The following AMOTL2 variants were observed in gnomAD, a reference collection of about 807,000 sequenced individuals.
AMOTL2 encodes angiomotin-like protein 2.
AMOTL2 carries 33 observed loss-of-function variants against 78.4 expected under a neutral mutation model. The ratio of observed to expected loss-of-function variants is 0.42; its 90% CI spans 0.32 to 0.56. The LOEUF is 0.56. Among genes scored for constraint, AMOTL2 ranks in the 20% least tolerant of loss-of-function variants. AMOTL2 has a pLI of 0.12. For synonymous variants in AMOTL2, 422 were observed against 428.8 expected, an observed-to-expected ratio of 0.98 and a Z score of 0.20; for missense variants, 983 against 1,030.1, an observed-to-expected ratio of 0.95 and a Z score of 0.63.
chr3:134,358,799 G>A, intron 8 of AMOTL2, 80 bp from the exon 9 acceptor site: 3 of 1,536,696 alleles, frequency 2.0e-6, no homozygotes, highest in Admixed American at 1.8e-5. Context: ...AACTGTCCCT[G>A]CTGGGGATTC....
chr3:134,366,137 G>T, intron 4 of AMOTL2, 146 bp downstream of exon 4: 1 of 1,153,180 alleles, frequency 8.7e-7, no homozygotes, highest in African/African-American at 1.5e-5. Context: ...TCTCTATCAG[G>T]GCAGCTCCAA....
At chr3:134,359,156 C>T (rs1325478391) in intron 8 of AMOTL2, 127 bp downstream of exon 8, 3 of 1,035,920 alleles carry the variant, frequency 2.9e-6, no homozygotes, top group Non-Finnish European at 4.3e-6. Context: ...TAAGCCAGCT[C>T]CCCTGGAAGA....
intron 6 of AMOTL2, among the ~76,000 whole-genome samples, chr3:134,361,121 C>T (rs995218131): frequency 6.6e-6 from 1 of 151,916 alleles, no homozygotes; most frequent in Admixed American, 6.5e-5. Flanking sequence ...TTGCAGTGAG[C>T]GTTCGCGCCA....
At position 134,371,087 on chromosome 3, in the gene AMOTL2, T is replaced by A. The variant is rs1350322723; in HGVS notation, c.347A>T (p.Tyr116Phe). The A allele has an allele frequency of 6.2e-7, 1 of 1,612,264 alleles. No individual in the cohort carries two copies. The highest frequency in any genetic ancestry group is 8.5e-7 in the Non-Finnish European group (1 of 1,179,324). ...TYEEAKAHSQ[Y>F]YAAQQAGTRP... ...GGTCCCTGCCTGCTGGGCCGCATAG[T>A]ACTGCGAGTGGGCTTTGGCCTCCTC... The change falls in exon 2 of 10, where the codon TAC (tyrosine) becomes TTC (phenylalanine). Residue 116 changes from tyrosine (Y) to phenylalanine (F), a missense_variant. Tyr to Phe is a conservative substitution (Grantham distance 22). Transcript: ENST00000249883.
chr3:134,364,223 G>A (rs942457856), intron 5 of AMOTL2, among the ~76,000 whole-genome samples: 2 of 152,006 alleles, frequency 1.3e-5, no homozygotes, highest in Admixed American at 6.5e-5. Flanking sequence ...GGGGCGGGCC[G>A]GGAGCGGAAC....
chr3:134,368,394 CAG>C (rs898597761), intron 2 of AMOTL2, among the ~76,000 whole-genome samples: 1 of 152,146 alleles, frequency 6.6e-6, no homozygotes, highest in African/African-American at 2.4e-5. Flanking sequence ...CCCACTCACC[CAG>C]AGTCATTTTT....
At chr3:134,366,050 C>T (rs1160680812) in intron 4 of AMOTL2, 141 bp from the exon 5 acceptor site, 1 of 1,075,268 alleles carries the variant, frequency 9.3e-7, no homozygotes, top group Non-Finnish European at 1.4e-6. Context: ...GCTCAGGGCC[C>T]CATGGGTGGG....
intron 3 of AMOTL2, 114 bp from the exon 4 acceptor site, chr3:134,366,541 G>A (rs1044300668): frequency 3.9e-5 from 43 of 1,093,632 alleles, no homozygotes; most frequent in Non-Finnish European, 5.4e-5. Context: ...CACCAAACAG[G>A]AGCAAAACCT....
chr3:134,373,950 C>A, intron 1 of AMOTL2: 1 of 561,410 alleles, frequency 1.8e-6, no homozygotes, highest in Non-Finnish European at 2.3e-6. Flanking sequence ...ACCTGTAACC[C>A]CCACCTAACC....
chr3:134,374,550 G>A, upstream of AMOTL2: 1 of 985,450 alleles, frequency 1.0e-6, no homozygotes, highest in Non-Finnish European at 1.2e-6. Context: ...GGATCAAAGC[G>A]AACCACAAAT....
At chr3:134,367,395 C>G (rs538976248) in intron 3 of AMOTL2, 102 bp downstream of exon 3, 1 of 1,376,510 alleles carries the variant, frequency 7.3e-7, no homozygotes, top group Admixed American at 2.2e-5. Flanking sequence ...TCCAGCCAAA[C>G]AGTTTTCAGG....
At chr3:134,369,616 A>T (rs1420115670) in intron 2 of AMOTL2, among the ~76,000 whole-genome samples, 5 of 152,224 alleles carry the variant, frequency 3.3e-5, no homozygotes, top group Non-Finnish European at 7.3e-5. Flanking sequence ...TGGTTCCGCC[A>T]TACCAACCCC....
At chr3:134,363,837 C>A (rs1318810358) in intron 5 of AMOTL2, among the ~76,000 whole-genome samples, 1 of 152,170 alleles carries the variant, frequency 6.6e-6, no homozygotes, top group Non-Finnish European at 1.5e-5. Context: ...AGGAAGGGGC[C>A]GGAGGACCCA....
intron 7 of AMOTL2, 68 bp downstream of exon 7, chr3:134,360,038 G>C (rs2017282323): frequency 6.7e-7 from 1 of 1,497,372 alleles, no homozygotes; most frequent in African/African-American, 1.4e-5. Flanking sequence ...AGGGATCAAG[G>C]GCAGGGCAGT....
chr3:134,367,005 C>G (rs1284281606), intron 3 of AMOTL2, among the ~76,000 whole-genome samples: 1 of 152,204 alleles, frequency 6.6e-6, no homozygotes, highest in Non-Finnish European at 1.5e-5. Flanking sequence ...CAGCTGGGCC[C>G]CGGCTGCTCC....
intron 5 of AMOTL2, among the ~76,000 whole-genome samples, 182 bp from the exon 6 acceptor site, chr3:134,361,989 C>T (rs1559797618): frequency 6.6e-6 from 1 of 152,228 alleles, no homozygotes; most frequent in Admixed American, 6.5e-5. Flanking sequence ...CATGTTAAGT[C>T]AGGAGTAAAT....
intron 7 of AMOTL2, among the ~76,000 whole-genome samples, chr3:134,359,805 C>T (rs567706326): frequency 3.3e-5 from 5 of 152,314 alleles, no homozygotes; most frequent in Admixed American, 2.0e-4. Flanking sequence ...ATGATAGTGG[C>T]GGCACAGCCC....
intron 2 of AMOTL2, among the ~76,000 whole-genome samples, chr3:134,369,640 T>C (rs1376218040): frequency 2.6e-5 from 4 of 152,192 alleles, no homozygotes; most frequent in Non-Finnish European, 5.9e-5. Flanking sequence ...ATGTCACTCA[T>C]TTCTCGAGAG....
intron 2 of AMOTL2, among the ~76,000 whole-genome samples, chr3:134,368,585 G>A (rs2017711564): frequency 6.6e-6 from 1 of 152,222 alleles, no homozygotes; most frequent in Admixed American, 6.5e-5. Flanking sequence ...GCCTCGCTGG[G>A]ATTTGTTGAG....
Sources: allele counts gnomAD v4.1 joint callset (sites outside exome capture counted in the v4.1 genomes callset), GRCh38; gene constraint gnomAD v4.1.1; transcripts MANE v1.5; gene names NCBI Gene and HGNC (gene_info 2026-07-23, HGNC 2026-07-21).